Variants in HS6ST2 observed in about 807,000 individuals in gnomAD.
HS6ST2 encodes heparan sulfate 6-O-sulfotransferase 2.
A neutral mutation model predicts 33.0 loss-of-function variants in HS6ST2; 17 were observed. The ratio of observed to expected loss-of-function variants is 0.52; its 90% CI spans 0.35 to 0.77. The LOEUF (loss-of-function observed/expected upper bound fraction) is 0.77, where lower values mean the gene tolerates loss of function less well. Ranked by LOEUF, HS6ST2 falls within the 30% of genes least tolerant of loss-of-function variation. The pLI is 0.01. For missense variants in HS6ST2, 519 were observed against 551.7 expected (o/e 0.94, Z 0.59); for synonymous variants, 248 against 237.1 (o/e 1.05, Z -0.42).
chrX:132,895,375 A>C (rs1202281125), intron 2 of HS6ST2, among the ~76,000 whole-genome samples: 1 of 111,652 alleles, frequency 9.0e-6, no homozygotes, highest in Non-Finnish European at 1.9e-5. Context: ...ATATTTTTTA[A>C]TTCTAGCTAC....
intron 2 of HS6ST2, among the ~76,000 whole-genome samples, chrX:132,950,975 T>C (rs192795493): frequency 9.0e-4 from 100 of 111,200 alleles, no homozygotes; most frequent in African/African-American, 3.1e-3. Flanking sequence ...GATTCCCACA[T>C]ATAATGTACG....
intron 2 of HS6ST2, among the ~76,000 whole-genome samples, chrX:132,789,539 G>A (rs972869447): frequency 9.0e-5 from 10 of 111,668 alleles, no homozygotes; most frequent in Non-Finnish European, 1.3e-4. Context: ...TTCAGTTGAC[G>A]GATCAAGGAA....
At chrX:132,874,737 C>A (rs1026870404) in intron 2 of HS6ST2, among the ~76,000 whole-genome samples, 2 of 111,587 alleles carry the variant, frequency 1.8e-5, no homozygotes, top group Non-Finnish European at 3.8e-5. Context: ...CTTGGGACCC[C>A]CACATGTGTT....
chrX:132,918,448 G>A (rs755916360), intron 2 of HS6ST2, among the ~76,000 whole-genome samples: 5 of 112,262 alleles, frequency 4.5e-5, no homozygotes, highest in South Asian at 7.5e-4. Flanking sequence ...AAGACAAAGC[G>A]TGTCTTTCTG....
At chrX:132,800,300 T>C (rs960853214) in intron 2 of HS6ST2, among the ~76,000 whole-genome samples, 2 of 111,659 alleles carry the variant, frequency 1.8e-5, no homozygotes, top group African/African-American at 3.3e-5. Context: ...GAGAATCTAA[T>C]GCCTGATGAT....
At chrX:132,845,084 TATA>T (rs1186122941) in intron 2 of HS6ST2, among the ~76,000 whole-genome samples, 1 of 108,219 alleles carries the variant, frequency 9.2e-6, no homozygotes, top group Non-Finnish European at 1.9e-5. Context: ...TATGTGTAGT[TATA>T]ATATCTAATT....
intron 2 of HS6ST2, among the ~76,000 whole-genome samples, chrX:132,939,604 G>A (rs778307370): frequency 1.8e-5 from 2 of 111,357 alleles, no homozygotes; most frequent in South Asian, 3.9e-4. Context: ...CAGCCTGGCC[G>A]ACAGAGACTC....
chrX:132,641,396 C>G (rs1483801587), intron 4 of HS6ST2, among the ~76,000 whole-genome samples: 1 of 112,689 alleles, frequency 8.9e-6, no homozygotes, highest in African/African-American at 3.2e-5. Context: ...ATCTGCCCGC[C>G]TCGACCTCCC....
At chrX:132,830,867 A>G (rs2065582501) in intron 2 of HS6ST2, among the ~76,000 whole-genome samples, 1 of 111,711 alleles carries the variant, frequency 9.0e-6, no homozygotes, top group African/African-American at 3.3e-5. Flanking sequence ...CACCCAGTGC[A>G]GGAATTCCCA....
At chrX:132,720,661 T>G (rs1216143062) in intron 2 of HS6ST2, among the ~76,000 whole-genome samples, 1 of 110,012 alleles carries the variant, frequency 9.1e-6, no homozygotes, top group Non-Finnish European at 1.9e-5. Context: ...ACCCAATGAT[T>G]TGTTGCCTAC....
At chrX:132,654,233 T>C (rs1649809418) in intron 4 of HS6ST2, among the ~76,000 whole-genome samples, 1 of 111,554 alleles carries the variant, frequency 9.0e-6, no homozygotes, top group South Asian at 3.7e-4. Context: ...ATTTCATAGA[T>C]GTATATTTAC....
At chrX:132,797,184 C>A (rs980763141) in intron 2 of HS6ST2, among the ~76,000 whole-genome samples, 2 of 111,569 alleles carry the variant, frequency 1.8e-5, no homozygotes, top group Non-Finnish European at 3.8e-5. Flanking sequence ...TAAAAAGACA[C>A]AAAGATTCAA....
intron 2 of HS6ST2, among the ~76,000 whole-genome samples, chrX:132,897,479 T>A (rs1247613754): frequency 9.0e-6 from 1 of 111,402 alleles, no homozygotes; most frequent in Non-Finnish European, 1.9e-5. Flanking sequence ...TATATCTGAA[T>A]TTCCTCATCT....
chrX:132,720,857 G>A (rs1034787742), intron 2 of HS6ST2, among the ~76,000 whole-genome samples: 1 of 110,655 alleles, frequency 9.0e-6, no homozygotes, highest in Non-Finnish European at 1.9e-5. Context: ...AATGATAAAG[G>A]GGTCAATTCA....
At chrX:132,798,153 C>A (rs1193761874) in intron 2 of HS6ST2, among the ~76,000 whole-genome samples, 1 of 110,319 alleles carries the variant, frequency 9.1e-6, no homozygotes, top group East Asian at 2.9e-4. Context: ...AGGAGACTGC[C>A]TGGATACATG....
intron 2 of HS6ST2, among the ~76,000 whole-genome samples, chrX:132,800,365 G>A (rs1412827569): frequency 9.0e-6 from 1 of 111,635 alleles, no homozygotes; most frequent in African/African-American, 3.3e-5. Context: ...AGGAAAACAA[G>A]CTCAGGGCTC....
chrX:132,836,412 G>A (rs760340966), intron 2 of HS6ST2, among the ~76,000 whole-genome samples: 21 of 112,777 alleles, frequency 1.9e-4, no homozygotes, highest in Non-Finnish European at 3.2e-4. Flanking sequence ...GGCACCTTAA[G>A]GTTGCTAGGG....
rs189866093 is a variant in HS6ST2 at position 132,756,322 on chromosome X, G to A, written c.948-47828C>T. On this transcript the variant is annotated intron_variant, in intron 2 of 4. Coordinates refer to ENST00000370833, the MANE Select transcript of HS6ST2 (RefSeq NM_001394073.1). Reference sequence around the variant, plus strand: ...TGTATGTCCCAGAAATTCCATTTTGGATTAATGAAAGCTGGAGTCTGTGCC... The same window carrying A: ...TGTATGTCCCAGAAATTCCATTTTGAATTAATGAAAGCTGGAGTCTGTGCC... Among the ~76,000 whole-genome samples the A allele has an allele frequency of 3.3e-3, 372 of 111,759 alleles. 1 individual carries two copies. The highest frequency in any genetic ancestry group is 5.9e-3 in the Non-Finnish European group (316 of 53,156).
intron 2 of HS6ST2, among the ~76,000 whole-genome samples, chrX:132,808,174 G>C (rs903133627): frequency 9.0e-6 from 1 of 111,280 alleles, no homozygotes; most frequent in Admixed American, 9.6e-5. Flanking sequence ...ATAAAAACAA[G>C]AGAGATATAC....
Sources: allele counts gnomAD v4.1 joint callset (sites outside exome capture counted in the v4.1 genomes callset), GRCh38; gene constraint gnomAD v4.1.1; transcripts MANE v1.5; gene names NCBI Gene and HGNC (gene_info 2026-07-23, HGNC 2026-07-21).